ARID3A: variants seen among roughly 807,000 people sequenced by gnomAD.
The protein encoded by ARID3A is AT-rich interactive domain-containing protein 3A.
In ARID3A, 11 loss-of-function variants were observed where a neutral mutation model predicts 52.7. The ratio of observed to expected loss-of-function variants is 0.21; its 90% CI spans 0.13 to 0.35. ARID3A has a LOEUF of 0.35. ARID3A is among the 10% of genes least tolerant of loss of function. The pLI is 1.00. For missense variants in ARID3A, 721 were observed against 838.5 expected, an observed-to-expected ratio of 0.86 and a Z score of 1.73; for synonymous variants, 404 against 359.4, an observed-to-expected ratio of 1.12 and a Z score of -1.40.
intron 2 of ARID3A, among the ~76,000 whole-genome samples, chr19:930,659 G>T (rs374135655): frequency 2.7e-5 from 4 of 149,328 alleles, no homozygotes; most frequent in Non-Finnish European, 4.5e-5. Flanking sequence ...ACAGGCGCCC[G>T]CCACCACGCC....
rs1232889367 is a variant in ARID3A, at chr19:938,837, C to A, written c.693+6095C>A. ...AGTGAAGCGAGACCCCAGCAAGAAACGGGCATCCGGTTTTTGGTCTTTTTT... is the reference window on the plus strand; with the variant it reads ...AGTGAAGCGAGACCCCAGCAAGAAAAGGGCATCCGGTTTTTGGTCTTTTTT... On this transcript the variant is annotated intron_variant, in intron 3 of 8. Transcript: ENST00000263620. This position sits in a 1 kb window ranked among gnomAD's most constrained non-coding sequence, Gnocchi z 4.0. Among the ~76,000 whole-genome samples the A allele has an allele frequency of 2.0e-5, 3 of 152,066 alleles. No individual in the cohort carries two copies. The highest frequency in any genetic ancestry group is 7.2e-5 in the African/African-American group (3 of 41,396).
At chr19:956,223 C>T (rs1269196103) in intron 3 of ARID3A, among the ~76,000 whole-genome samples, 1 of 152,180 alleles carries the variant, frequency 6.6e-6, no homozygotes, top group African/African-American at 2.4e-5. Flanking sequence ...CTGCCTCAGG[C>T]GTTTCCCTGG....
chr19:943,571 A>AAAAAAAAGAAAAGAAAAAAAGAG (rs1265551951), intron 3 of ARID3A, among the ~76,000 whole-genome samples: 1 of 152,118 alleles, frequency 6.6e-6, no homozygotes, highest in African/African-American at 2.4e-5. Context: ...CTGTCTCAAA[A>AAAAAAAAGAAAAGAAAAAAAGAG]AAAAAAAGAA....
intron 3 of ARID3A, among the ~76,000 whole-genome samples, chr19:943,392 A>G (rs1010637937): frequency 2.0e-5 from 3 of 151,942 alleles, no homozygotes; most frequent in Admixed American, 1.3e-4. Context: ...AACATGGTGA[A>G]ACCCCGTCTC....
At chr19:948,203 G>C (rs553535794) in intron 3 of ARID3A, among the ~76,000 whole-genome samples, 1 of 150,940 alleles carries the variant, frequency 6.6e-6, no homozygotes, top group Non-Finnish European at 1.5e-5. Context: ...CGGGAAGTCC[G>C]GGCCCTTTTT....
intron 3 of ARID3A, among the ~76,000 whole-genome samples, chr19:951,239 G>A (rs1370194111): frequency 6.6e-6 from 1 of 151,670 alleles, no homozygotes; most frequent in Admixed American, 6.6e-5. Context: ...TTACAGGCGT[G>A]AGCCACCACA....
At chr19:940,759 C>T (rs969182329) in intron 3 of ARID3A, among the ~76,000 whole-genome samples, 3 of 152,072 alleles carry the variant, frequency 2.0e-5, no homozygotes, top group Non-Finnish European at 2.9e-5. Flanking sequence ...CTGGTGCCGG[C>T]GTCTTCCTGG....
In ARID3A at chr19:973,909, G is replaced by A; in HGVS notation, c.*1844G>A. On this transcript the variant is annotated 3_prime_UTR_variant, in exon 9 of 9. Transcript: ENST00000263620. ...ATGCCCAGCAGGGTCTGGGGACTTC[G>A]TTGGACCCGCGTGGTGTTGGGCGGG... 1 of 230,968 alleles carries A rather than the reference G, an allele frequency of 4.3e-6. No individual in the cohort carries two copies. The highest frequency in any genetic ancestry group is 8.6e-6 in the Non-Finnish European group (1 of 116,600). 14.3% of individuals were successfully genotyped at this position (230,968 alleles called of 1,614,324 possible). A position where few individuals can be genotyped will look rare whatever the true frequency, so the allele number is the denominator to read the frequency against.
chr19:937,333 C>A (rs1291468544), intron 3 of ARID3A, among the ~76,000 whole-genome samples: 1 of 152,212 alleles, frequency 6.6e-6, no homozygotes, highest in Non-Finnish European at 1.5e-5. Flanking sequence ...GCGTATCTCA[C>A]TGAGCGTGAC....
At chr19:955,511 A>G (rs1002381422) in intron 3 of ARID3A, among the ~76,000 whole-genome samples, 1 of 151,722 alleles carries the variant, frequency 6.6e-6, no homozygotes, top group African/African-American at 2.4e-5. Context: ...CCCCTCTCCA[A>G]CCCCAACCTT....
At chr19:935,375 A>G (rs1218829222) in intron 3 of ARID3A, among the ~76,000 whole-genome samples, 1 of 152,164 alleles carries the variant, frequency 6.6e-6, no homozygotes, top group Non-Finnish European at 1.5e-5. Flanking sequence ...TCGGGCAGTG[A>G]TTAGGATCTC....
rs2037578922 is a variant in ARID3A, at chr19:942,534, G to A, written c.693+9792G>A. On this transcript the variant is annotated intron_variant, in intron 3 of 8. Coordinates refer to ENST00000263620, the MANE Select transcript of ARID3A (RefSeq NM_005224.3). This position sits in a 1 kb window ranked among gnomAD's most constrained non-coding sequence, Gnocchi z 8.1. ...ACAATTGGGGGTCACAGGGTTAAACGCTGACTAATCTGGCCATTGAAGGCC... is the reference window on the plus strand; with the variant it reads ...ACAATTGGGGGTCACAGGGTTAAACACTGACTAATCTGGCCATTGAAGGCC... Among the ~76,000 whole-genome samples, 3 of 152,230 alleles carry A rather than the reference G, an allele frequency of 2.0e-5. No individual in the cohort carries two copies. The highest frequency in any genetic ancestry group is 7.2e-5 in the African/African-American group (3 of 41,458).
At chr19:952,847 C>T (rs1283360330) in intron 3 of ARID3A, among the ~76,000 whole-genome samples, 1 of 152,090 alleles carries the variant, frequency 6.6e-6, no homozygotes, top group Non-Finnish European at 1.5e-5. Flanking sequence ...CGCCCTGGGC[C>T]CCCCGCAGCT....
At chr19:934,131 G>A (rs1046721144) in intron 3 of ARID3A, among the ~76,000 whole-genome samples, 2 of 152,216 alleles carry the variant, frequency 1.3e-5, no homozygotes, top group Non-Finnish European at 2.9e-5. Flanking sequence ...CCCGCAGGGA[G>A]CCCTGGGCTG....
rs1454504887 is a variant in ARID3A, at chr19:964,320, C to T, written c.839C>T (p.Thr280Met). ...CTGTTCATGCTGTACGTGCTGGTGA[C>T]GGAGAAGGGCGGCCTCGTGGAGGTC... The part of the protein sequence containing the change: ...LDLFMLYVLV[T>M]EKGGLVEVIN... Residue 280 changes from threonine (T) to methionine (M), a missense_variant, in exon 5 of 9, where the codon ACG (threonine) becomes ATG (methionine). This residue lies in a region of ARID3A where 43 missense variants were observed against 143.7 expected (regional missense o/e 0.30). Transcript: ENST00000263620. The surrounding 1 kb of genome is among the most constrained non-coding windows in gnomAD (Gnocchi z 5.7). 3 of 1,614,130 alleles carry T rather than the reference C, an allele frequency of 1.9e-6. No individual in the cohort carries two copies. Among genetic ancestry groups the T allele is most frequent in the Non-Finnish European group, 2.5e-6 (3 of 1,180,002 alleles).
At chr19:948,532 C>T (rs2238577) in intron 3 of ARID3A, among the ~76,000 whole-genome samples, 33,760 of 151,558 alleles carry the variant, frequency 0.22, 4,446 homozygotes, top group East Asian at 0.48. Flanking sequence ...CAGACTGGGG[C>T]GCGAGACTCC....
chr19:943,131 C>T (rs930676778), intron 3 of ARID3A, among the ~76,000 whole-genome samples: 26 of 151,658 alleles, frequency 1.7e-4, no homozygotes, highest in Admixed American at 1.5e-3. Flanking sequence ...TGTGGTGGTG[C>T]GTGCCTGTGG....
chr19:935,694 C>T (rs1343553292), intron 3 of ARID3A, among the ~76,000 whole-genome samples: 1 of 152,052 alleles, frequency 6.6e-6, no homozygotes, highest in African/African-American at 2.4e-5. Flanking sequence ...GTCTAGAACT[C>T]CTGGGCTCAG....
In ARID3A at chr19:973,134, G is replaced by GTTTTTT. The variant is rs2038317534; in HGVS notation, c.*1073_*1074insTTTTTT. ...TTTTTTTTTTTTTTTTTGAGACGGAGTTTTGCTCTTGTCGCCCAGGCTGGA... is the reference window on the plus strand; with the variant it reads ...TTTTTTTTTTTTTTTTTGAGACGGAGTTTTTTTTTTGCTCTTGTCGCCCAGGCTGGA... On this transcript the variant is annotated 3_prime_UTR_variant, in exon 9 of 9. Coordinates refer to ENST00000263620, the MANE Select transcript of ARID3A (RefSeq NM_005224.3). 6 of 9,868 alleles carry GTTTTTT rather than the reference G, an allele frequency of 6.1e-4. No homozygotes were observed. Among genetic ancestry groups the GTTTTTT allele is most frequent in the South Asian group, 5.1e-3 (1 of 198 alleles). 0.6% of individuals were successfully genotyped at this position (9,868 alleles called of 1,614,324 possible). A position where few individuals can be genotyped will look rare whatever the true frequency, so the allele number is the denominator to read the frequency against.
Sources: gnomAD v4.1 joint callset for allele counts (sites outside exome capture counted in the v4.1 genomes callset) on GRCh38, gnomAD v4.1.1 for gene constraint, gnomAD v4.1.1 regional missense constraint, Gnocchi (gnomAD v3.1) non-coding constraint, MANE v1.5 for transcripts, NCBI Gene and HGNC (gene_info 2026-07-23, HGNC 2026-07-21) for gene names.